DLG5: variants seen among roughly 807,000 people sequenced by gnomAD.
DLG5 encodes the protein disks large homolog 5.
DLG5 carries 48 observed loss-of-function variants against 189.8 expected under a neutral mutation model. The ratio of observed to expected loss-of-function variants is 0.25; its 90% CI spans 0.20 to 0.32. The LOEUF is 0.32. DLG5 is among the 10% of genes least tolerant of loss of function. The pLI, the probability that DLG5 is intolerant of heterozygous loss-of-function variation, is 1.00. For synonymous variants in DLG5, 1,016 were observed against 1,054.1 expected, an observed-to-expected ratio of 0.96 and a Z score of 0.70; for missense variants, 2,160 against 2,544.7, an observed-to-expected ratio of 0.85 and a Z score of 3.25.
At chr10:77,876,844 G>C (rs1014315971) in intron 1 of DLG5, among the ~76,000 whole-genome samples, 2 of 150,838 alleles carry the variant, frequency 1.3e-5, no homozygotes, top group East Asian at 3.9e-4. Context: ...CAGGAAGGAA[G>C]ATGATGGCTG....
At position 77,827,882 on chromosome 10, in the gene DLG5, T is replaced by C. The variant is rs375427827; in HGVS notation, c.2289+1000A>G. On this transcript the variant is annotated intron_variant, in intron 13 of 31. Coordinates refer to ENST00000372391, the MANE Select transcript of DLG5 (RefSeq NM_004747.4). Reference sequence around the variant, plus strand: ...ACCAAGAAATCTATCTAGGTATATATAGATTTGTAGGGGCACATATGGTTT... The same window carrying C: ...ACCAAGAAATCTATCTAGGTATATACAGATTTGTAGGGGCACATATGGTTT... Among the ~76,000 whole-genome samples, 21 of 152,230 alleles carry C rather than the reference T, an allele frequency of 1.4e-4. 3 individuals carry two copies. The highest frequency in any genetic ancestry group is 7.7e-4 in the East Asian group (4 of 5,176).
intron 14 of DLG5, among the ~76,000 whole-genome samples, chr10:77,823,835 A>G (rs1197974093): frequency 6.7e-6 from 1 of 149,876 alleles, no homozygotes; most frequent in Non-Finnish European, 1.5e-5. Flanking sequence ...TCTTCCTTTC[A>G]TTTTTGAGAT....
At chr10:77,827,515 C>T (rs12245934) in intron 13 of DLG5, among the ~76,000 whole-genome samples, 4,463 of 152,280 alleles carry the variant, frequency 0.029, 218 homozygotes, top group African/African-American at 0.1. Flanking sequence ...CGTGAGCCAC[C>T]GTGCCCCGCT....
chr10:77,930,818 T>TG (rs1846779692), upstream of DLG5, among the ~76,000 whole-genome samples: 1 of 144,572 alleles, frequency 6.9e-6, no homozygotes, highest in Non-Finnish European at 1.5e-5. Context: ...TGGCTAATTT[T>TG]TTTTTTTTTT....
In DLG5 at chr10:77,821,341, G is replaced by C; in HGVS notation, c.3143C>G (p.Pro1048Arg). Reference sequence around the variant, plus strand: ...GTCCACGTCAGGGGGCAGGGCGCTCGGGGGACTAGTGGATGGGGAGCTGCC... The same window carrying C: ...GTCCACGTCAGGGGGCAGGGCGCTCCGGGGACTAGTGGATGGGGAGCTGCC... ...LVGSSPSTSP[P>R]SALPPDVDPG... Residue 1048 changes from proline to arginine, a missense_variant, in exon 15 of 32, where the codon CCG becomes CGG. Transcript: ENST00000372391. 7 of 1,612,970 alleles carry C rather than the reference G, an allele frequency of 4.3e-6. No homozygotes were observed. The highest frequency in any genetic ancestry group is 2.2e-5 in the South Asian group (2 of 91,084).
chr10:77,816,877 G>C, intron 19 of DLG5, 130 bp downstream of exon 19: 1 of 1,364,566 alleles, frequency 7.3e-7, no homozygotes, highest in Non-Finnish European at 1.0e-6. Flanking sequence ...CAGGCCTACT[G>C]CTGGGCTCAG....
chr10:77,829,293 C>T, intron 12 of DLG5, 62 bp downstream of exon 12: 1 of 1,608,080 alleles, frequency 6.2e-7, no homozygotes, highest in African/African-American at 1.3e-5. Context: ...ACCCCCGGCC[C>T]CTGTCCACAA....
At position 77,853,517 on chromosome 10, in the gene DLG5, A is replaced by G; in HGVS notation, c.701T>C (p.Leu234Pro). ...ATCCTTCAGCCGAGTCTGGTCACTC[A>G]GGAGCCGGCTGTGGAGTGTGCTGAA... ...DFYHTLHSRLLSDQTRLKDDV... is the reference protein window; with the variant it reads ...DFYHTLHSRLPSDQTRLKDDV... The change falls in exon 5 of 32, where the codon CTG becomes CCG. Residue 234 changes from leucine to proline, a missense_variant. Physicochemically the swap from Leu to Pro is moderately conservative, Grantham distance 98 (BLOSUM62 -3). Around this residue, in one of 5 missense-constraint regions of DLG5, gnomAD observed 664 missense variants for 838.5 expected, o/e 0.79. Coordinates refer to ENST00000372391, the MANE Select transcript of DLG5 (RefSeq NM_004747.4). 6.2e-7 allele frequency: 1 copy of G among 1,607,560 alleles called. No homozygotes were observed. The highest frequency in any genetic ancestry group is 8.5e-7 in the Non-Finnish European group (1 of 1,177,314).
At chr10:77,882,165 C>G (rs1845300782) in intron 1 of DLG5, among the ~76,000 whole-genome samples, 1 of 152,212 alleles carries the variant, frequency 6.6e-6, no homozygotes, top group Non-Finnish European at 1.5e-5. Context: ...CGTCAGGACC[C>G]CTGCCATAGG....
At chr10:77,824,516 C>T (rs41306534) in intron 13 of DLG5, 40 bp from the exon 14 acceptor site, 96,603 of 1,523,606 alleles carry the variant, frequency 0.063, 3,469 homozygotes, top group Middle Eastern at 0.075. Flanking sequence ...ACAGGCAGAG[C>T]GGCCTCAGGC....
rs1030323340 is a variant in DLG5, at chr10:77,792,006, G to T, written c.*434C>A. 20 of 171,308 alleles carry T rather than the reference G, an allele frequency of 1.2e-4. No homozygotes were observed. Among genetic ancestry groups the T allele is most frequent in the Admixed American group, 8.7e-4 (15 of 17,180 alleles). The allele number at this position is 171,308 out of a possible 1,614,324, so 10.6% of individuals were successfully genotyped here. On this transcript the variant is annotated 3_prime_UTR_variant, in exon 32 of 32. Coordinates refer to ENST00000372391, the MANE Select transcript of DLG5 (RefSeq NM_004747.4). ...TCCAAGGTCGTTTTGCTGAAGACGG[G>T]AACGAAACCAACACCAAAGCGACAG...
chr10:77,792,898 T>G (rs1473142081), intron 31 of DLG5: 2 of 284,984 alleles, frequency 7.0e-6, no homozygotes, highest in Non-Finnish European at 6.7e-6. Flanking sequence ...AGGAGCCAGA[T>G]AGCTCATGGC....
rs1182386965 is a variant in DLG5, at chr10:77,816,599, G to A, written c.3977C>T (p.Pro1326Leu). 1 of 1,614,180 alleles carries A rather than the reference G, an allele frequency of 6.2e-7. No individual in the cohort carries two copies. Among genetic ancestry groups the A allele is most frequent in the South Asian group, 1.1e-5 (1 of 91,080 alleles). The change falls in exon 20 of 32, where the codon CCC (proline) becomes CTC (leucine). Residue 1326 changes from proline to leucine, a missense_variant. By Grantham distance (98) the Pro-to-Leu change is moderately conservative. Transcript: ENST00000372391. Reference sequence around the variant, plus strand: ...GGACGCGGGGTTGACAGCGATTCTGGGCAATGTGGAGGCTGAGGTCTGGGA... The same window carrying A: ...GGACGCGGGGTTGACAGCGATTCTGAGCAATGTGGAGGCTGAGGTCTGGGA... ...SQSQTSASTL[P>L]RIAVNPASLG...
chr10:77,826,264 G>T (rs1409487562), intron 13 of DLG5, among the ~76,000 whole-genome samples: 1 of 152,200 alleles, frequency 6.6e-6, no homozygotes, highest in Non-Finnish European at 1.5e-5. Flanking sequence ...CCTCGGGAGG[G>T]ACTGGTCAAC....
At chr10:77,828,032 A>G (rs1842723972) in intron 13 of DLG5, among the ~76,000 whole-genome samples, 1 of 152,218 alleles carries the variant, frequency 6.6e-6, no homozygotes, top group Admixed American at 6.5e-5. Context: ...TTTTACAACA[A>G]ACAGGACTTA....
At chr10:77,920,700 T>C (rs559483508) in intron 1 of DLG5, among the ~76,000 whole-genome samples, 6 of 152,198 alleles carry the variant, frequency 3.9e-5, no homozygotes, top group Non-Finnish European at 7.3e-5. Context: ...ATGAGGTTTG[T>C]CTGCCTGGGC....
At chr10:77,919,187 G>C (rs1846460555) in intron 1 of DLG5, among the ~76,000 whole-genome samples, 1 of 152,038 alleles carries the variant, frequency 6.6e-6, no homozygotes, top group Non-Finnish European at 1.5e-5. Flanking sequence ...CTGCACTCCA[G>C]CCTGGGCGAC....
intron 1 of DLG5, among the ~76,000 whole-genome samples, chr10:77,906,904 GT>G: frequency 6.6e-6 from 1 of 152,070 alleles, no homozygotes; most frequent in Non-Finnish European, 1.5e-5. Flanking sequence ...GGGATTACAG[GT>G]ATGAGCCACC....
intron 1 of DLG5, among the ~76,000 whole-genome samples, chr10:77,920,571 G>A (rs564166583): frequency 6.6e-6 from 1 of 152,324 alleles, no homozygotes; most frequent in African/African-American, 2.4e-5. Context: ...ACCTTACCCT[G>A]GGGTTCCACT....
Sources: allele counts gnomAD v4.1 joint callset (sites outside exome capture counted in the v4.1 genomes callset), GRCh38; gene constraint gnomAD v4.1.1; regional missense constraint gnomAD v4.1.1; transcripts MANE v1.5; gene names NCBI Gene and HGNC (gene_info 2026-07-23, HGNC 2026-07-21).